The following MTUS2 variants were observed in gnomAD, a reference collection of about 807,000 sequenced individuals.
MTUS2 encodes microtubule associated scaffold protein 2.
MTUS2 carries 40 observed loss-of-function variants against 114.1 expected under a neutral mutation model. That is an observed-to-expected ratio of 0.35 (90% CI 0.27 to 0.46). The LOEUF (loss-of-function observed/expected upper bound fraction) is 0.46. Ranked by LOEUF, MTUS2 falls within the 20% of genes least tolerant of loss-of-function variation. The probability of loss-of-function intolerance (pLI) is 1.00; values close to 1 mark genes in which losing one functional copy is unlikely to be tolerated. For synonymous variants in MTUS2, 688 were observed against 672.0 expected (o/e 1.02, Z -0.37); for missense variants, 1,679 against 1,705.4 (o/e 0.98, Z 0.27).
intron 8 of MTUS2, among the ~76,000 whole-genome samples, chr13:29,389,847 GTGTATATATACATACATATGTGTA>G (rs1566174454): frequency 2.4e-4 from 8 of 33,158 alleles, no homozygotes; most frequent in African/African-American, 5.5e-4. Flanking sequence ...ACATACATAT[GTGTATATATACATACATATGTGTA>G]TATATACATA....
At chr13:29,129,645 G>A (rs1317560451) in intron 5 of MTUS2, among the ~76,000 whole-genome samples, 3 of 152,094 alleles carry the variant, frequency 2.0e-5, no homozygotes, top group Non-Finnish European at 2.9e-5. Flanking sequence ...AATGATAGGA[G>A]GAATCAGTTC....
chr13:29,242,477 T>G, intron 5 of MTUS2: 1 of 165,120 alleles, frequency 6.1e-6, no homozygotes, highest in East Asian at 1.2e-4. Context: ...AGAACTATAT[T>G]ATAATTTAAA....
intron 12 of MTUS2, among the ~76,000 whole-genome samples, chr13:29,495,466 C>A (rs1882490461): frequency 6.6e-6 from 1 of 151,242 alleles, no homozygotes; most frequent in Non-Finnish European, 1.5e-5. Flanking sequence ...CATAAGAAAG[C>A]AAGCAGTCAA....
chr13:29,021,838 C>T (rs762201215), intron 2 of MTUS2, among the ~76,000 whole-genome samples: 1 of 152,182 alleles, frequency 6.6e-6, no homozygotes, highest in East Asian at 1.9e-4. Flanking sequence ...TGAGAATCCC[C>T]TCTGTGTCAG....
chr13:29,467,379 A>G (rs1879962813), intron 9 of MTUS2, among the ~76,000 whole-genome samples: 2 of 152,330 alleles, frequency 1.3e-5, no homozygotes, highest in South Asian at 2.1e-4. Flanking sequence ...CACAGGAAAA[A>G]AAGAATTAAA....
rs545118241 is a variant in MTUS2 at position 29,466,678 on chromosome 13, A to T, written c.3185-13472A>T. ...GATCACTTGAGCTCAGGAGTTCGAGACCAGCATAGGCAACATGGTGAAACC... is the reference window on the plus strand; with the variant it reads ...GATCACTTGAGCTCAGGAGTTCGAGTCCAGCATAGGCAACATGGTGAAACC... On this transcript the variant is annotated intron_variant, in intron 9 of 15. Transcript: ENST00000612955. Among the ~76,000 whole-genome samples the T allele has an allele frequency of 2.6e-5, 4 of 152,188 alleles. No individual in the cohort carries two copies. The South Asian group carries it at 8.3e-4, about 32-fold the overall frequency.
At chr13:29,443,416 G>T (rs1207234452) in intron 9 of MTUS2, among the ~76,000 whole-genome samples, 2 of 152,222 alleles carry the variant, frequency 1.3e-5, no homozygotes, top group East Asian at 1.9e-4. Flanking sequence ...AATGCAGCAG[G>T]CGCTACACAA....
chr13:28,961,272 T>A (rs1013367973), intron 2 of MTUS2, among the ~76,000 whole-genome samples: 1 of 152,110 alleles, frequency 6.6e-6, no homozygotes, highest in South Asian at 2.1e-4. Flanking sequence ...AACTTTAAGA[T>A]TCAAGAAACC....
intron 6 of MTUS2, among the ~76,000 whole-genome samples, chr13:29,301,706 A>G (rs1324283512): frequency 6.6e-6 from 1 of 152,222 alleles, no homozygotes; most frequent in Admixed American, 6.5e-5. Context: ...TCATTTGTTA[A>G]TGACTGGATA....
intron 9 of MTUS2, among the ~76,000 whole-genome samples, chr13:29,466,755 T>C (rs1879916306): frequency 6.6e-6 from 1 of 151,334 alleles, no homozygotes. Flanking sequence ...TGCGTGTCTA[T>C]AGTCCCAGCT....
intron 2 of MTUS2, among the ~76,000 whole-genome samples, chr13:29,023,356 T>C (rs1886372854): frequency 6.6e-6 from 1 of 152,174 alleles, no homozygotes; most frequent in Admixed American, 6.5e-5. Context: ...TTTTGGAAAA[T>C]TTCAAACCTA....
At chr13:29,487,739 G>T (rs562254704) in intron 10 of MTUS2, 161 bp from the exon 11 acceptor site, 3 of 641,544 alleles carry the variant, frequency 4.7e-6, no homozygotes, top group South Asian at 3.6e-5. Flanking sequence ...CCGTGATTCC[G>T]AGGGCTGCCA....
chr13:29,435,010 G>A (rs11618681), intron 8 of MTUS2, among the ~76,000 whole-genome samples: 1 of 152,216 alleles, frequency 6.6e-6, no homozygotes, highest in Non-Finnish European at 1.5e-5. Context: ...GAGTGAGTTG[G>A]ATGTTTCATA....
chr13:29,447,759 AG>A (rs1457273542), intron 9 of MTUS2, among the ~76,000 whole-genome samples: 1 of 151,964 alleles, frequency 6.6e-6, no homozygotes, highest in Non-Finnish European at 1.5e-5. Flanking sequence ...TGGGGATTAA[AG>A]GGCATTTTGG....
At chr13:29,442,477 C>T (rs1452744197) in intron 9 of MTUS2, among the ~76,000 whole-genome samples, 2 of 152,220 alleles carry the variant, frequency 1.3e-5, no homozygotes, top group Non-Finnish European at 2.9e-5. Flanking sequence ...TTGGATAAGG[C>T]TATCCTTGCA....
chr13:28,868,802 A>G (rs1205197924), intron 2 of MTUS2, among the ~76,000 whole-genome samples: 2 of 152,218 alleles, frequency 1.3e-5, no homozygotes, highest in African/African-American at 4.8e-5. Flanking sequence ...ATTCAGTTTT[A>G]TATAAGGTCC....
chr13:28,828,884 C>G (rs1357669155), intron 1 of MTUS2, among the ~76,000 whole-genome samples: 1 of 152,176 alleles, frequency 6.6e-6, no homozygotes, highest in Non-Finnish European at 1.5e-5. Context: ...AGCACTGTTA[C>G]TGATCCTATC....
chr13:29,230,932 T>G (rs1896298836), intron 5 of MTUS2, among the ~76,000 whole-genome samples: 1 of 152,230 alleles, frequency 6.6e-6, no homozygotes, highest in African/African-American at 2.4e-5. Context: ...CATTGGATTT[T>G]GCCTGCATTA....
intron 5 of MTUS2, among the ~76,000 whole-genome samples, chr13:29,249,764 C>G (rs1306660055): frequency 6.6e-6 from 1 of 151,982 alleles, no homozygotes. Context: ...GTTGCCTGTT[C>G]ACTCTGATAC....
Sources: gnomAD v4.1 joint callset for allele counts (sites outside exome capture counted in the v4.1 genomes callset) on GRCh38, gnomAD v4.1.1 for gene constraint, MANE v1.5 for transcripts, NCBI Gene and HGNC (gene_info 2026-07-23, HGNC 2026-07-21) for gene names.